Variants in DNAI1 observed in about 807,000 individuals in gnomAD.
DNAI1 encodes dynein axonemal intermediate chain 1.
DNAI1 carries 67 observed loss-of-function variants against 92.0 expected under a neutral mutation model. The observed-to-expected ratio is 0.73, with a 90% CI of 0.60 to 0.89. The LOEUF (loss-of-function observed/expected upper bound fraction) is 0.89, where lower values mean the gene tolerates loss of function less well. Among genes scored for constraint, DNAI1 ranks in the 40% least tolerant of loss-of-function variants. DNAI1 has a pLI of 0.00. For missense variants in DNAI1, 839 were observed against 866.6 expected, an observed-to-expected ratio of 0.97 and a Z score of 0.40; for synonymous variants, 323 against 319.6, an observed-to-expected ratio of 1.01 and a Z score of -0.11.
chr9:34,478,623 G>C (rs931294740), intron 1 of DNAI1: 1 of 152,238 alleles, frequency 6.6e-6, no homozygotes, highest in Non-Finnish European at 1.5e-5. Flanking sequence ...AAAATGCTCT[G>C]CTGTGAAAGA....
intron 15 of DNAI1, among the ~76,000 whole-genome samples, chr9:34,512,866 C>CGATTA (rs1825094283): frequency 6.6e-6 from 1 of 152,230 alleles, no homozygotes; most frequent in Admixed American, 6.5e-5. Flanking sequence ...TTACCCAGGC[C>CGATTA]CCCATTCCTG....
chr9:34,469,229 A>C (rs1824094420), intron 1 of DNAI1, among the ~76,000 whole-genome samples: 1 of 151,546 alleles, frequency 6.6e-6, no homozygotes, highest in Non-Finnish European at 1.5e-5. Flanking sequence ...TTCTCACCAT[A>C]AACAATGTAG....
chr9:34,510,655 A>G (rs2132080003), intron 13 of DNAI1, among the ~76,000 whole-genome samples: 1 of 152,050 alleles, frequency 6.6e-6, no homozygotes, highest in Non-Finnish European at 1.5e-5. Flanking sequence ...ACCACCCCCC[A>G]CTGGGCATCA....
chr9:34,489,983 T>A (rs372088765), intron 5 of DNAI1, 29 bp from the exon 6 acceptor site: 5 of 1,612,784 alleles, frequency 3.1e-6, no homozygotes, highest in Non-Finnish European at 3.4e-6. Flanking sequence ...AGGCTTAGAC[T>A]TTGAACTCAT....
At chr9:34,487,772 C>G (rs1366278320) in intron 4 of DNAI1, among the ~76,000 whole-genome samples, 3 of 152,150 alleles carry the variant, frequency 2.0e-5, no homozygotes, top group South Asian at 4.1e-4. Flanking sequence ...GAAAGCTCAC[C>G]TTACCCAACC....
chr9:34,469,260 C>CT (rs35082433), intron 1 of DNAI1, among the ~76,000 whole-genome samples: 817 of 80,002 alleles, frequency 0.01, 16 homozygotes, highest in Admixed American at 0.011. Context: ...AATGGAATGG[C>CT]TTTTTTTTTT....
At chr9:34,505,904 G>A (rs183595454) in intron 12 of DNAI1, among the ~76,000 whole-genome samples, 1 of 152,212 alleles carries the variant, frequency 6.6e-6, no homozygotes, top group Non-Finnish European at 1.5e-5. Flanking sequence ...CTATGTTCAT[G>A]ACTACATATC....
At chr9:34,481,433 C>G (rs1238573978) in intron 1 of DNAI1, among the ~76,000 whole-genome samples, 1 of 152,192 alleles carries the variant, frequency 6.6e-6, no homozygotes, top group African/African-American at 2.4e-5. Flanking sequence ...TAGGACCTGT[C>G]TGGCTGGGCG....
At chr9:34,459,111 AC>A in intron 1 of DNAI1, 58 bp downstream of exon 1, 1 of 1,455,970 alleles carries the variant, frequency 6.9e-7, no homozygotes, top group Non-Finnish European at 9.6e-7. Context: ...GCCAGTGACC[AC>A]TAATCATACC....
Position 34,490,064 on chromosome 9 carries a change from C to T in DNAI1, c.441C>T (p.Asp147=), listed in dbSNP as rs374753293. Residue 147 remains aspartate (D), a synonymous_variant, in exon 6 of 20, where the codon GAC becomes GAT. Coordinates refer to ENST00000242317, the MANE Select transcript of DNAI1 (RefSeq NM_012144.4). ...VISETGNLEE[D]EEPKELETEP... ...CAGAAACAGGAAACCTCGAAGAAGA[C>T]GAAGAGCCCAAGGAGTTAGAAACTG... The T allele has an allele frequency of 5.6e-6, 9 of 1,614,144 alleles. No individual in the cohort carries two copies. The highest frequency in any genetic ancestry group is 2.2e-5 in the South Asian group (2 of 91,068).
intron 18 of DNAI1, among the ~76,000 whole-genome samples, chr9:34,516,982 T>G (rs1050410584): frequency 1.3e-5 from 2 of 152,028 alleles, no homozygotes; most frequent in African/African-American, 4.8e-5. Context: ...CTCAAGTGAT[T>G]CACCCACCTT....
intron 1 of DNAI1, among the ~76,000 whole-genome samples, chr9:34,479,864 C>T (rs1343390752): frequency 6.6e-6 from 1 of 152,212 alleles, no homozygotes; most frequent in Non-Finnish European, 1.5e-5. Context: ...ATGCTTTTCT[C>T]TTTCCCTGGA....
Position 34,489,350 on chromosome 9 carries a change from G to C in DNAI1, c.289G>C (p.Val97Leu). ...AGGCACATATAAGCCTATTGGCTTT[G>C]TGAACCAACTGGCAGTTCACTACAC... is the stretch of plus-strand genomic sequence containing the variant. ...KEGTYKPIGF[V>L]NQLAVHYTQV... is the part of the protein sequence containing the mutation. The change falls in exon 5 of 20, where the codon GTG becomes CTG. Residue 97 changes from valine to leucine, a missense_variant. By Grantham distance (32) the Val-to-Leu change is conservative. Coordinates refer to ENST00000242317, the MANE Select transcript of DNAI1 (RefSeq NM_012144.4). 1 of 1,614,092 alleles carries C rather than the reference G, an allele frequency of 6.2e-7. No individual in the cohort carries two copies. The highest frequency in any genetic ancestry group is 8.5e-7 in the Non-Finnish European group (1 of 1,180,002).
At position 34,512,176 on chromosome 9, in the gene DNAI1, TTG is replaced by T. The variant is rs1370523337; in HGVS notation, c.1383_1384del (p.Ser462LeufsTer27). The T allele has an allele frequency of 6.2e-7, 1 of 1,614,114 alleles. No homozygotes were observed. Among genetic ancestry groups the T allele is most frequent in the South Asian group, 1.1e-5 (1 of 91,076 alleles). Reference sequence around the variant, plus strand: ...TTCTCTGTGTCATCTGACGGCAGGATTGTGTCTTGGACTCTCGTGAAGGTGCC... The same window carrying T: ...TTCTCTGTGTCATCTGACGGCAGGATTGTCTTGGACTCTCGTGAAGGTGCC... On this transcript the variant is annotated frameshift_variant, in exon 14 of 20. Transcript: ENST00000242317. LOFTEE classifies it high-confidence loss of function.
At chr9:34,493,521 C>T (rs1824655326) in intron 9 of DNAI1, among the ~76,000 whole-genome samples, 193 bp downstream of exon 9, 1 of 152,118 alleles carries the variant, frequency 6.6e-6, no homozygotes, top group Non-Finnish European at 1.5e-5. Context: ...TTCCATACCT[C>T]CCCCCAGTAA....
Position 34,514,700 on chromosome 9 carries a change from C to T in DNAI1, c.1779C>T (p.Tyr593=), listed in dbSNP as rs780725587. The change falls in exon 18 of 20, where the codon TAC becomes TAT. Residue 593 remains tyrosine (Y), a synonymous_variant. Coordinates refer to ENST00000242317, the MANE Select transcript of DNAI1 (RefSeq NM_012144.4). ...SAVGDVAWAP[Y]SSTVFAAVTT... ...TGGGTGATGTGGCCTGGGCGCCATACTCTTCTACTGTGTTCGCAGCAGTCA... is the reference window on the plus strand; with the variant it reads ...TGGGTGATGTGGCCTGGGCGCCATATTCTTCTACTGTGTTCGCAGCAGTCA... 6.8e-6 allele frequency: 11 copies of T among 1,614,180 alleles called. No homozygotes were observed. Among genetic ancestry groups the T allele is most frequent in the African/African-American group, 1.3e-5 (1 of 75,072 alleles).
chr9:34,469,708 G>A (rs1824104383), intron 1 of DNAI1, among the ~76,000 whole-genome samples: 1 of 152,074 alleles, frequency 6.6e-6, no homozygotes, highest in African/African-American at 2.4e-5. Context: ...CTCCTGAGTA[G>A]CTGGGATTGC....
intron 8 of DNAI1, among the ~76,000 whole-genome samples, chr9:34,492,491 A>AATATATATATATATAT (rs1824621849): frequency 3.6e-5 from 1 of 27,750 alleles, no homozygotes; most frequent in Non-Finnish European, 8.0e-5. Context: ...TGGGGATATG[A>AATATATATATATATAT]AGATATATAT....
Position 34,516,078 on chromosome 9 carries a change from C to T in DNAI1, c.1819-1207C>T, listed in dbSNP as rs971411841. On this transcript the variant is annotated intron_variant, in intron 18 of 19. Coordinates refer to ENST00000242317, the MANE Select transcript of DNAI1 (RefSeq NM_012144.4). ...GGCTTCTTTGAAGAGGTGACACGCA[C>T]GCTGAGAGTTGACTGGCAAGAAGGA... 1.3e-4 allele frequency among the ~76,000 whole-genome samples: 20 copies of T among 152,258 alleles called. No homozygotes were observed. In the South Asian group the frequency reaches 3.7e-3, roughly 28 times the overall value.
Sources: allele counts gnomAD v4.1 joint callset (sites outside exome capture counted in the v4.1 genomes callset), GRCh38; gene constraint gnomAD v4.1.1; transcripts MANE v1.5; gene names NCBI Gene and HGNC (gene_info 2026-07-23, HGNC 2026-07-21).